Variants in JMJD1C observed in about 807,000 individuals in gnomAD.
JMJD1C encodes the protein jumonji domain-containing protein 1C.
In JMJD1C, 31 loss-of-function variants were observed where a neutral mutation model predicts 245.3. The ratio of observed to expected loss-of-function variants is 0.13; its 90% CI spans 0.09 to 0.17. The LOEUF (loss-of-function observed/expected upper bound fraction) is 0.17, where lower values mean the gene tolerates loss of function less well. Ranked by LOEUF, JMJD1C falls within the 10% of genes least tolerant of loss-of-function variation. The pLI is 1.00. For missense variants in JMJD1C, 2,691 were observed against 3,000.2 expected (o/e 0.90, Z 2.41); for synonymous variants, 1,057 against 1,017.4 (o/e 1.04, Z -0.74).
intron 2 of JMJD1C, among the ~76,000 whole-genome samples, chr10:63,298,430 G>A (rs1366062561): frequency 2.0e-5 from 3 of 152,134 alleles, no homozygotes; most frequent in Non-Finnish European, 4.4e-5. Context: ...GCAACCTTTT[G>A]CAATCCTGAG....
At chr10:63,452,645 T>C (rs1952141811) in intron 1 of JMJD1C, among the ~76,000 whole-genome samples, 1 of 152,216 alleles carries the variant, frequency 6.6e-6, no homozygotes, top group African/African-American at 2.4e-5. Context: ...GGCAGCATTA[T>C]TCACAATAGC....
At chr10:63,202,864 T>C in intron 10 of JMJD1C, 17 of 978,008 alleles carry the variant, frequency 1.7e-5, no homozygotes, top group South Asian at 4.7e-5. Flanking sequence ...TTTGGAACAC[T>C]TGCTTCTAAT....
intron 1 of JMJD1C, among the ~76,000 whole-genome samples, chr10:63,421,507 T>C (rs935717964): frequency 6.6e-5 from 10 of 152,310 alleles, no homozygotes; most frequent in Middle Eastern, 6.8e-3. Context: ...ACCTGGGGGA[T>C]AGTTACACAG....
At chr10:63,370,206 G>C (rs975324570) in intron 2 of JMJD1C, among the ~76,000 whole-genome samples, 2 of 152,150 alleles carry the variant, frequency 1.3e-5, no homozygotes, top group Admixed American at 6.5e-5. Flanking sequence ...TAAACTGTAG[G>C]CATGAATGTA....
At chr10:63,315,407 C>T (rs1031240531) in intron 2 of JMJD1C, among the ~76,000 whole-genome samples, 2 of 152,126 alleles carry the variant, frequency 1.3e-5, no homozygotes, top group Non-Finnish European at 2.9e-5. Context: ...TTTAGGGTAA[C>T]TTTTCATCTA....
chr10:63,422,759 T>C (rs1950197134), intron 1 of JMJD1C, among the ~76,000 whole-genome samples: 1 of 152,110 alleles, frequency 6.6e-6, no homozygotes, highest in African/African-American at 2.4e-5. Flanking sequence ...GCACAGAAAA[T>C]ATTCAAATGG....
At chr10:63,208,862 C>A in intron 9 of JMJD1C, 61 bp from the exon 10 acceptor site, 6 of 1,320,580 alleles carry the variant, frequency 4.5e-6, no homozygotes, top group Non-Finnish European at 5.2e-6. Context: ...ACAAAGACAG[C>A]TTCTATGCAA....
At chr10:63,203,940 T>A in intron 10 of JMJD1C, 1 of 979,806 alleles carries the variant, frequency 1.0e-6, no homozygotes, top group Non-Finnish European at 1.2e-6. Flanking sequence ...ATGAAGTAGA[T>A]AATCCATTAA....
intron 18 of JMJD1C, among the ~76,000 whole-genome samples, chr10:63,188,028 G>C (rs549443090): frequency 4.6e-5 from 7 of 152,118 alleles, no homozygotes; most frequent in Non-Finnish European, 8.8e-5. Flanking sequence ...TAATGTTCTT[G>C]TATATGTCCA....
At chr10:63,309,263 A>G (rs1938769793) in intron 2 of JMJD1C, among the ~76,000 whole-genome samples, 1 of 149,950 alleles carries the variant, frequency 6.7e-6, no homozygotes, top group Admixed American at 6.6e-5. Flanking sequence ...GAGGCCAAGG[A>G]AGGTGGATCA....
chr10:63,198,650 C>G lies in JMJD1C; in HGVS notation c.5354G>C (p.Ser1785Thr). Residue 1785 changes from serine to threonine, a missense_variant, in exon 12 of 26, where the codon AGT (serine) becomes ACT (threonine). Coordinates refer to ENST00000399262, the MANE Select transcript of JMJD1C (RefSeq NM_032776.3). ...TTCAAAATTTTCATGTGTCCACAAA[C>G]TCATAGCTTCATCATCATATTGGTC... The part of the protein sequence containing the change: ...SPDQYDDEAM[S>T]LWTHENFEDD... The G allele has an allele frequency of 6.2e-7, 1 of 1,612,696 alleles. No homozygotes were observed. Among genetic ancestry groups the G allele is most frequent in the Non-Finnish European group, 8.5e-7 (1 of 1,179,272 alleles).
At chr10:63,501,544 G>A (rs1040740864) in intron 1 of JMJD1C, among the ~76,000 whole-genome samples, 1 of 152,154 alleles carries the variant, frequency 6.6e-6, no homozygotes, top group Non-Finnish European at 1.5e-5. Flanking sequence ...TTGGGAGGCC[G>A]AGGAGGGTGA....
chr10:63,208,482 T>C lies in JMJD1C; in HGVS notation c.3187A>G (p.Ile1063Val). 1 of 1,614,046 alleles carries C rather than the reference T, an allele frequency of 6.2e-7. No individual in the cohort carries two copies. Among genetic ancestry groups the C allele is most frequent in the Non-Finnish European group, 8.5e-7 (1 of 1,179,954 alleles). ...TCTACATCCATATCTTGTTTGATGA[T>C]ATGGCTTTTAGGACTGGAAGATGAT... ...ASSSSSPKSH[I>V]IKQDMDVERS... The change falls in exon 10 of 26, where the codon ATC becomes GTC. Residue 1063 changes from isoleucine to valine, a missense_variant. Ile to Val is a conservative substitution (Grantham distance 29, BLOSUM62 3). Around this residue, in one of 9 missense-constraint regions of JMJD1C, gnomAD observed 1,562 missense variants for 1,490.7 expected, o/e 1.05. Transcript: ENST00000399262.
intron 1 of JMJD1C, among the ~76,000 whole-genome samples, chr10:63,429,389 T>G (rs1950620115): frequency 6.6e-6 from 1 of 152,180 alleles, no homozygotes; most frequent in Admixed American, 6.5e-5. Flanking sequence ...TACTGGAACT[T>G]AAATACTGCA....
chr10:63,288,653 A>G (rs928653801), intron 2 of JMJD1C, among the ~76,000 whole-genome samples: 2 of 152,132 alleles, frequency 1.3e-5, no homozygotes, highest in Non-Finnish European at 2.9e-5. Flanking sequence ...CCGTAATCCC[A>G]GCACTTTGGG....
intron 1 of JMJD1C, among the ~76,000 whole-genome samples, chr10:63,416,281 T>C (rs2097589429): frequency 6.6e-6 from 1 of 150,838 alleles, no homozygotes; most frequent in South Asian, 2.1e-4. Flanking sequence ...ATTAACTACA[T>C]AGCCGAAGAC....
intron 2 of JMJD1C, among the ~76,000 whole-genome samples, chr10:63,372,453 T>C (rs747042752): frequency 1.3e-5 from 2 of 152,228 alleles, no homozygotes; most frequent in Non-Finnish European, 2.9e-5. Context: ...TTGTACCTGA[T>C]GAGAATTGGC....
At chr10:63,358,708 G>C (rs929291968) in intron 2 of JMJD1C, 5 of 152,158 alleles carry the variant, frequency 3.3e-5, no homozygotes, top group African/African-American at 1.2e-4. Context: ...GTAGAAGAGT[G>C]GGGTGGGGTC....
chr10:63,408,809 A>C (rs540988417), intron 1 of JMJD1C, among the ~76,000 whole-genome samples: 43 of 152,246 alleles, frequency 2.8e-4, no homozygotes, highest in Admixed American at 7.8e-4. Flanking sequence ...AAAGTGAGTC[A>C]AGGAAATCAC....
Sources: gnomAD v4.1 joint callset for allele counts (sites outside exome capture counted in the v4.1 genomes callset) on GRCh38, gnomAD v4.1.1 for gene constraint, gnomAD v4.1.1 regional missense constraint, MANE v1.5 for transcripts, NCBI Gene and HGNC (gene_info 2026-07-23, HGNC 2026-07-21) for gene names.